NEK3: variants seen among roughly 807,000 people sequenced by gnomAD.
The protein encoded by NEK3 is NIMA related kinase 3, also known as serine/threonine-protein kinase Nek3.
In NEK3, 54 loss-of-function variants were observed where a neutral mutation model predicts 66.0. The observed-to-expected ratio is 0.82, with a 90% CI of 0.66 to 1.03. NEK3 has a LOEUF of 1.03. Among genes scored for constraint, NEK3 ranks in the 50% least tolerant of loss-of-function variants. NEK3 has a pLI of 0.00. For missense variants in NEK3, 593 were observed against 603.0 expected (o/e 0.98, Z 0.17); for synonymous variants, 200 against 206.2 (o/e 0.97, Z 0.26).
chr13:52,154,352 T>C (rs1222821989), intron 2 of NEK3, among the ~76,000 whole-genome samples, 179 bp from the exon 3 acceptor site: 3 of 152,236 alleles, frequency 2.0e-5, no homozygotes, highest in Non-Finnish European at 4.4e-5. Flanking sequence ...ACTCTGGCTA[T>C]ATTTTCATGC....
At chr13:52,136,672 A>G in intron 12 of NEK3, 128 bp downstream of exon 12, 3 of 569,336 alleles carry the variant, frequency 5.3e-6, no homozygotes, top group East Asian at 3.0e-5. Flanking sequence ...AAAACATTAA[A>G]TAAGTTACTA....
intron 13 of NEK3, 58 bp from the exon 14 acceptor site, chr13:52,135,921 T>C (rs1390218796): frequency 1.3e-6 from 2 of 1,564,728 alleles, no homozygotes; most frequent in Non-Finnish European, 1.7e-6. Flanking sequence ...CAGCATGTAC[T>C]TTCCAGATCA....
At chr13:52,150,804 G>A (rs981349768) in intron 7 of NEK3, among the ~76,000 whole-genome samples, 14 of 152,148 alleles carry the variant, frequency 9.2e-5, no homozygotes, top group African/African-American at 3.4e-4. Context: ...TTTAATTAGT[G>A]TAGACGCAAC....
chr13:52,146,288 A>G (rs1956295400), intron 8 of NEK3, among the ~76,000 whole-genome samples: 1 of 152,258 alleles, frequency 6.6e-6, no homozygotes, highest in Non-Finnish European at 1.5e-5. Flanking sequence ...CTATGAATAT[A>G]AAATGTAAGT....
At chr13:52,138,181 C>A (rs1485729386) in intron 11 of NEK3, among the ~76,000 whole-genome samples, 3 of 152,092 alleles carry the variant, frequency 2.0e-5, no homozygotes, top group African/African-American at 4.8e-5. Flanking sequence ...CCACCATGCC[C>A]ACCTAAAATT....
At chr13:52,154,252 G>A in intron 2 of NEK3, 79 bp from the exon 3 acceptor site, 1 of 891,918 alleles carries the variant, frequency 1.1e-6, no homozygotes, top group South Asian at 1.9e-5. Flanking sequence ...TGGTTTATAT[G>A]ACACTTTAAT....
intron 11 of NEK3, among the ~76,000 whole-genome samples, chr13:52,138,731 AC>A (rs1431218990): frequency 6.6e-6 from 1 of 152,146 alleles, no homozygotes; most frequent in African/African-American, 2.4e-5. Flanking sequence ...AGAGTTCAAC[AC>A]CAGCCTGGGC....
intron 11 of NEK3, among the ~76,000 whole-genome samples, chr13:52,139,238 A>G (rs1363806495): frequency 6.6e-6 from 1 of 152,244 alleles, no homozygotes; most frequent in Non-Finnish European, 1.5e-5. Flanking sequence ...ATAAAAAGGA[A>G]TGAAGTTTTG....
At position 52,133,647 on chromosome 13, in the gene NEK3, C is replaced by CACACACACACACACACA. The variant is rs755551629; in HGVS notation, c.1436+41_1436+42insTGTGTGTGTGTGTGTGT. ...CACACACACACACACACACACACAC[C>CACACACACACACACACA]CCCAACCCCAGCTACAGCTTTCTAT... On this transcript the variant is annotated intron_variant, in intron 15 of 15. Coordinates refer to ENST00000610828, the MANE Select transcript of NEK3 (RefSeq NM_002498.3). 67 of 1,070,966 alleles carry CACACACACACACACACA rather than the reference C, an allele frequency of 6.3e-5. No homozygotes were observed. In the African/African-American group the frequency reaches 1.1e-3, roughly 17 times the overall value. The allele number at this position is 1,070,966 out of a possible 1,614,324, so 66.3% of individuals were successfully genotyped here.
intron 1 of NEK3, among the ~76,000 whole-genome samples, chr13:52,158,439 C>T (rs1477020026): frequency 1.3e-5 from 2 of 152,130 alleles, no homozygotes; most frequent in East Asian, 3.8e-4. Context: ...AGAAACAAGT[C>T]CTTTACTACT....
chr13:52,151,940 G>A (rs1377894792), intron 5 of NEK3, among the ~76,000 whole-genome samples: 1 of 152,170 alleles, frequency 6.6e-6, no homozygotes, highest in Non-Finnish European at 1.5e-5. Flanking sequence ...GTACCAGTTT[G>A]TAGCCTAGAA....
chr13:52,153,416 A>C (rs552008022), intron 4 of NEK3, among the ~76,000 whole-genome samples: 1 of 152,288 alleles, frequency 6.6e-6, no homozygotes, highest in South Asian at 2.1e-4. Context: ...ATTAAAAAAT[A>C]TTTAGTATGC....
chr13:52,151,357 C>A lies in NEK3; in HGVS notation c.429G>T (p.Leu143Phe). The A allele has an allele frequency of 6.3e-7, 1 of 1,596,772 alleles. No homozygotes were observed. The change falls in exon 6 of 16, where the codon TTG becomes TTT. Residue 143 changes from leucine (L) to phenylalanine (F), a missense_variant. Leu to Phe is a conservative substitution (Grantham distance 22, BLOSUM62 0). Coordinates refer to ENST00000610828, the MANE Select transcript of NEK3 (RefSeq NM_002498.3). Reference sequence around the variant, plus strand: ...GAAGACGGGCAGATCCAAAGTCTCCCAATTTCACTTTTCCATTCTGAGTGA... The same window carrying A: ...GAAGACGGGCAGATCCAAAGTCTCCAAATTTCACTTTTCCATTCTGAGTGA... ...IFLTQNGKVK[L>F]GDFGSARLLS...
chr13:52,144,791 T>C lies in NEK3; in HGVS notation c.704A>G (p.Lys235Arg). The C allele has an allele frequency of 1.2e-6, 2 of 1,613,706 alleles. No individual in the cohort carries two copies. Among genetic ancestry groups the C allele is most frequent in the Non-Finnish European group, 1.7e-6 (2 of 1,179,760 alleles). Residue 235 changes from lysine to arginine, a missense_variant, in exon 9 of 16, where the codon AAG (lysine) becomes AGG (arginine). Physicochemically the swap from Lys to Arg is conservative, Grantham distance 26. Coordinates refer to ENST00000610828, the MANE Select transcript of NEK3 (RefSeq NM_002498.3). ...HYSYELQFLV[K>R]QMFKRNPSHR... The stretch of plus-strand genomic sequence containing the variant: ...TGAGGGATTCCTTTTAAACATCTGC[T>C]TGACTAGGAACTGAAGTTCATAGGA...
intron 8 of NEK3, among the ~76,000 whole-genome samples, chr13:52,147,456 T>C (rs1956303849): frequency 6.6e-6 from 1 of 152,232 alleles, no homozygotes; most frequent in Non-Finnish European, 1.5e-5. Flanking sequence ...AATGGAATCC[T>C]GATAGATGCT....
chr13:52,135,690 G>C, intron 14 of NEK3, 39 bp downstream of exon 14: 1 of 1,559,432 alleles, frequency 6.4e-7, no homozygotes, highest in Non-Finnish European at 8.7e-7. Flanking sequence ...TTTTCAAAAA[G>C]TCAAAGGGTT....
At chr13:52,133,899 T>G (rs1159607029) in intron 14 of NEK3, 84 bp from the exon 15 acceptor site, 1 of 1,392,556 alleles carries the variant, frequency 7.2e-7, no homozygotes, top group African/African-American at 1.4e-5. Context: ...CTCCGTAAGC[T>G]TGCTGGCTGA....
chr13:52,133,645 ACC>A (rs1555319866), intron 15 of NEK3, 42 bp downstream of exon 15: 32 of 1,539,668 alleles, frequency 2.1e-5, no homozygotes, highest in Middle Eastern at 1.7e-4. Context: ...ACACACACAC[ACC>A]CCCAACCCCA....
At position 52,144,762 on chromosome 13, in the gene NEK3, G is replaced by A. The variant is rs753480430; in HGVS notation, c.733C>T (p.Arg245Cys). 7.4e-6 allele frequency: 12 copies of A among 1,613,868 alleles called. No homozygotes were observed. Among genetic ancestry groups the A allele is most frequent in the Middle Eastern group, 1.6e-4 (1 of 6,062 alleles). Residue 245 changes from arginine to cysteine, a missense_variant, in exon 9 of 16, where the codon CGC (arginine) becomes TGC (cysteine). Physicochemically the swap from Arg to Cys is radical, Grantham distance 180. Coordinates refer to ENST00000610828, the MANE Select transcript of NEK3 (RefSeq NM_002498.3). The stretch of plus-strand genomic sequence containing the variant: ...GAGAGAAGCGTTGTAGCCGAGGGGC[G>A]ATGTGAGGGATTCCTTTTAAACATC... ...KQMFKRNPSHRPSATTLLSRG... is the reference protein window; with the variant it reads ...KQMFKRNPSHCPSATTLLSRG...
Sources: gnomAD v4.1 joint callset for allele counts (sites outside exome capture counted in the v4.1 genomes callset) on GRCh38, gnomAD v4.1.1 for gene constraint, MANE v1.5 for transcripts, NCBI Gene and HGNC (gene_info 2026-07-23, HGNC 2026-07-21) for gene names.